The following LRRC8C variants were observed in gnomAD, a reference collection of about 807,000 sequenced individuals.
The protein encoded by LRRC8C is leucine rich repeat containing 8 VRAC subunit C, also known as volume-regulated anion channel subunit LRRC8C.
LRRC8C carries 20 observed loss-of-function variants against 55.3 expected under a neutral mutation model. The ratio of observed to expected loss-of-function variants is 0.36; its 90% confidence interval spans 0.25 to 0.53. The LOEUF (loss-of-function observed/expected upper bound fraction) is 0.53. LRRC8C is among the 20% of genes least tolerant of loss of function. The pLI, the probability that LRRC8C is intolerant of heterozygous loss-of-function variation, is 0.92. For synonymous variants in LRRC8C, 376 were observed against 360.7 expected, an observed-to-expected ratio of 1.04 and a Z score of -0.48; for missense variants, 659 against 951.4, an observed-to-expected ratio of 0.69 and a Z score of 4.04.
chr1:89,704,761 A>G, intron 2 of LRRC8C, among the ~76,000 whole-genome samples: 1 of 152,196 alleles, frequency 6.6e-6, no homozygotes, highest in South Asian at 2.1e-4. Context: ...ATCATTAAAA[A>G]GTCAGGAAAC....
At chr1:89,641,186 G>C (rs6657988) in intron 1 of LRRC8C, among the ~76,000 whole-genome samples, 84,774 of 151,890 alleles carry the variant, frequency 0.56, 24,054 homozygotes, top group East Asian at 0.79. Flanking sequence ...AAATGCGTAA[G>C]TACTAAACTG....
At chr1:89,679,564 A>G (rs1003974035) in intron 1 of LRRC8C, among the ~76,000 whole-genome samples, 3 of 152,226 alleles carry the variant, frequency 2.0e-5, no homozygotes, top group African/African-American at 4.8e-5. Context: ...CAAAAAAACA[A>G]CAAAAGAAAA....
At chr1:89,624,757 T>C in the LRRC8C span, 1 of 152,218 alleles carries the variant, frequency 6.6e-6, no homozygotes, top group African/African-American at 2.4e-5. Context: ...AAATATTCTA[T>C]TCTAAGGAAT....
Position 89,714,680 on chromosome 1 carries a change from G to A in LRRC8C, c.2110G>A (p.Val704Ile), listed in dbSNP as rs1478251383. The A allele has an allele frequency of 6.2e-7, 1 of 1,614,154 alleles. No individual in the cohort carries two copies. Among genetic ancestry groups the A allele is most frequent in the Non-Finnish European group, 8.5e-7 (1 of 1,180,018 alleles). The change falls in exon 3 of 3, where the codon GTT becomes ATT. Residue 704 changes from valine to isoleucine, a missense_variant. By Grantham distance (29) the Val-to-Ile change is conservative (BLOSUM62 3). This residue lies in a region of LRRC8C where 344 missense variants were observed against 464.6 expected (regional missense o/e 0.74). Coordinates refer to ENST00000370454, the MANE Select transcript of LRRC8C (RefSeq NM_032270.5). The surrounding 1 kb of genome is among the most constrained non-coding windows in gnomAD (Gnocchi z 4.6). ...TCGATTTATCCCCCCTGAAATTGGAGTTCTACAAAGTTTACAGTATTTTTC... is the reference window on the plus strand; with the variant it reads ...TCGATTTATCCCCCCTGAAATTGGAATTCTACAAAGTTTACAGTATTTTTC... ...DIRFIPPEIG[V>I]LQSLQYFSIT...
chr1:89,709,827 C>G (rs1373940943), intron 2 of LRRC8C, among the ~76,000 whole-genome samples: 2 of 150,918 alleles, frequency 1.3e-5, no homozygotes, highest in Non-Finnish European at 2.9e-5. Flanking sequence ...TCTCGGCTCA[C>G]TGCAAGCTCC....
intron 1 of LRRC8C, among the ~76,000 whole-genome samples, chr1:89,665,485 T>C (rs1311860540): frequency 3.3e-5 from 5 of 152,190 alleles, no homozygotes; most frequent in Non-Finnish European, 7.3e-5. Flanking sequence ...GGCGTCTTCG[T>C]TTTTAGTTAA....
intron 1 of LRRC8C, among the ~76,000 whole-genome samples, chr1:89,666,854 C>T (rs1657278784): frequency 6.6e-6 from 1 of 152,006 alleles, no homozygotes; most frequent in African/African-American, 2.4e-5. Flanking sequence ...AACAAAGTCC[C>T]CATTTCTTAG....
chr1:89,705,978 AACTTAT>A (rs1271659253), intron 2 of LRRC8C, among the ~76,000 whole-genome samples: 1 of 152,146 alleles, frequency 6.6e-6, no homozygotes, highest in Non-Finnish European at 1.5e-5. Flanking sequence ...GTCAGTTCTT[AACTTAT>A]AAAGTGATCC....
rs1281528707 is a variant in LRRC8C at position 89,633,163 on chromosome 1, G to A, written c.-164G>A. On this transcript the variant is annotated 5_prime_UTR_variant, in exon 1 of 3. Coordinates refer to ENST00000370454, the MANE Select transcript of LRRC8C (RefSeq NM_032270.5). ...GGAAGCCCGCGAAGAGAAGTAGGAGGAAGGCGCCGCCGTGGCCGCGGCCGC... is the reference window on the plus strand; with the variant it reads ...GGAAGCCCGCGAAGAGAAGTAGGAGAAAGGCGCCGCCGTGGCCGCGGCCGC... 1 of 152,164 alleles carries A rather than the reference G, an allele frequency of 6.6e-6. No individual in the cohort carries two copies. The highest frequency in any genetic ancestry group is 1.5e-5 in the Non-Finnish European group (1 of 68,056). 9.4% of individuals were successfully genotyped at this position (152,164 alleles called of 1,614,324 possible). A position where few individuals can be genotyped will look rare whatever the true frequency, so the allele number is the denominator to read the frequency against.
chr1:89,706,320 A>G (rs1352260183), intron 2 of LRRC8C: 8 of 456,032 alleles, frequency 1.8e-5, no homozygotes, highest in African/African-American at 1.4e-4. Flanking sequence ...TCTGAAGCTA[A>G]GTGGTTTTAT....
intron 1 of LRRC8C, among the ~76,000 whole-genome samples, chr1:89,659,729 T>C (rs2101211442): frequency 6.6e-6 from 1 of 152,346 alleles, no homozygotes; most frequent in African/African-American, 2.4e-5. Flanking sequence ...ACTACAGTTT[T>C]AATGTTCAAA....
chr1:89,706,903 T>C (rs1470240699), intron 2 of LRRC8C, among the ~76,000 whole-genome samples: 1 of 152,184 alleles, frequency 6.6e-6, no homozygotes, highest in Non-Finnish European at 1.5e-5. Context: ...TTTCTCAACA[T>C]GATGATTTGC....
rs570648665 is a variant in LRRC8C, at chr1:89,653,089, C to G, written c.-5+19767C>G. 3.9e-5 allele frequency among the ~76,000 whole-genome samples: 6 copies of G among 152,218 alleles called. No individual in the cohort carries two copies. In the South Asian group the frequency reaches 1.0e-3, roughly 26 times the overall value. ...CTCTACTCTGAATGAGATGAGGAAC[C>G]ATTAGAGAGTTCTTAATCTGACTTG... On this transcript the variant is annotated intron_variant, in intron 1 of 2. Transcript: ENST00000370454.
chr1:89,672,111 A>G (rs1469663657), intron 1 of LRRC8C, among the ~76,000 whole-genome samples: 2 of 152,224 alleles, frequency 1.3e-5, no homozygotes, highest in East Asian at 3.8e-4. Context: ...GAGGGGAAAA[A>G]CAAACAACAA....
the LRRC8C span, among the ~76,000 whole-genome samples, chr1:89,618,048 T>C: frequency 6.6e-6 from 1 of 152,166 alleles, no homozygotes; most frequent in Non-Finnish European, 1.5e-5. Flanking sequence ...TATATATATA[T>C]GACTGATTAA....
At chr1:89,668,976 C>T (rs1209270447) in intron 1 of LRRC8C, among the ~76,000 whole-genome samples, 10 of 151,926 alleles carry the variant, frequency 6.6e-5, no homozygotes, top group Non-Finnish European at 1.2e-4. Context: ...CTCCAAACAC[C>T]GATAAATTCT....
chr1:89,617,786 G>C, the LRRC8C span, among the ~76,000 whole-genome samples: 2 of 152,170 alleles, frequency 1.3e-5, no homozygotes, highest in Middle Eastern at 3.4e-3. Flanking sequence ...GACCCTCTCA[G>C]GTTCAGTCAC....
At chr1:89,687,122 T>A (rs1223928951) in intron 2 of LRRC8C, among the ~76,000 whole-genome samples, 1 of 152,218 alleles carries the variant, frequency 6.6e-6, no homozygotes, top group Non-Finnish European at 1.5e-5. Context: ...AATCCAGGTA[T>A]TTTTTACATA....
intron 2 of LRRC8C, 110 bp from the exon 3 acceptor site, chr1:89,712,599 G>A (rs1363156787): frequency 1.4e-6 from 1 of 727,574 alleles, no homozygotes; most frequent in Non-Finnish European, 2.3e-6. Context: ...GTATTCTCCA[G>A]GCAGAGGAAA....
Sources: gnomAD v4.1 joint callset for allele counts (sites outside exome capture counted in the v4.1 genomes callset) on GRCh38, gnomAD v4.1.1 for gene constraint, gnomAD v4.1.1 regional missense constraint, Gnocchi (gnomAD v3.1) non-coding constraint, MANE v1.5 for transcripts, NCBI Gene and HGNC (gene_info 2026-07-23, HGNC 2026-07-21) for gene names.